The following PCDHGB1 variants were observed in gnomAD, a reference collection of about 807,000 sequenced individuals.
PCDHGB1 encodes the protein protocadherin gamma subfamily B, 1, also known as protocadherin gamma-B1.
Under a neutral mutation model 56.6 loss-of-function variants are expected in PCDHGB1, and 34 were observed. The ratio of observed to expected loss-of-function variants is 0.60; its 90% CI spans 0.46 to 0.80. PCDHGB1 has a LOEUF of 0.80. Among genes scored for constraint, PCDHGB1 ranks in the 30% least tolerant of loss-of-function variants. The pLI is 0.00. For missense variants in PCDHGB1, 1,278 were observed against 1,204.6 expected (o/e 1.06, Z -0.90); for synonymous variants, 561 against 505.9 (o/e 1.11, Z -1.46).
At position 141,350,118 on chromosome 5, in the gene PCDHGB1, T is replaced by A; in HGVS notation, c.-143T>A. 2 of 585,768 alleles carry A rather than the reference T, an allele frequency of 3.4e-6. No homozygotes were observed. The highest frequency in any genetic ancestry group is 5.3e-6 in the Non-Finnish European group (2 of 377,780). The allele number at this position is 585,768 out of a possible 1,614,324, so 36.3% of individuals were successfully genotyped here. Reference sequence around the variant, plus strand: ...CAGGGTGCCTTCCTGCTTTGTCCGGTGCACTGAGCACAGACGCTGCTCCTG... The same window carrying A: ...CAGGGTGCCTTCCTGCTTTGTCCGGAGCACTGAGCACAGACGCTGCTCCTG... On this transcript the variant is annotated 5_prime_UTR_variant, in exon 1 of 4. Coordinates refer to ENST00000523390, the MANE Select transcript of PCDHGB1 (RefSeq NM_018922.3).
chr5:141,371,081 G>A, intron 1 of PCDHGB1: 1 of 1,613,852 alleles, frequency 6.2e-7, no homozygotes, highest in Non-Finnish European at 8.5e-7. Context: ...CCCAGATCAG[G>A]GTAATTGTCG....
rs117623972 is a variant in PCDHGB1 at position 141,503,322 on chromosome 5, C to T, written c.2469-2071C>T. On this transcript the variant is annotated intron_variant, in intron 2 of 3. Transcript: ENST00000523390. Reference sequence around the variant, plus strand: ...GCTCAAGAAAGAATTGTTGGAGGGGCGCGGTGGCTCACGCCTGTAATTCCA... The same window carrying T: ...GCTCAAGAAAGAATTGTTGGAGGGGTGCGGTGGCTCACGCCTGTAATTCCA... Among the ~76,000 whole-genome samples, 216 of 152,126 alleles carry T rather than the reference C, an allele frequency of 1.4e-3. 8 individuals carry two copies. In the East Asian group the frequency reaches 0.038, roughly 27 times the overall value.
chr5:141,433,623 G>A (rs2097635547), intron 1 of PCDHGB1, among the ~76,000 whole-genome samples: 1 of 152,070 alleles, frequency 6.6e-6, no homozygotes, highest in African/African-American at 2.4e-5. Flanking sequence ...ATCACCTGAG[G>A]TTGGGAGTTT....
At position 141,487,339 on chromosome 5, in the gene PCDHGB1, A is replaced by T; in HGVS notation, c.2410-7468A>T. On this transcript the variant is annotated intron_variant, in intron 1 of 3. Coordinates refer to ENST00000523390, the MANE Select transcript of PCDHGB1 (RefSeq NM_018922.3). The surrounding 1 kb of genome is among the most constrained non-coding windows in gnomAD (Gnocchi z 5.0). ...AGTGTCTTCGTGGGGCAGCCTGTGG[A>T]GTCACATGCTTTCCTGCTGGCACCT... The T allele has an allele frequency of 1.9e-6, 3 of 1,614,096 alleles. No individual in the cohort carries two copies. Among genetic ancestry groups the T allele is most frequent in the Non-Finnish European group, 2.5e-6 (3 of 1,180,000 alleles).
At chr5:141,482,611 G>A (rs1016481108) in intron 1 of PCDHGB1, among the ~76,000 whole-genome samples, 3 of 150,398 alleles carry the variant, frequency 2.0e-5, no homozygotes, top group African/African-American at 7.4e-5. Context: ...ACACCTAAAT[G>A]AGCCTGGAGA....
intron 1 of PCDHGB1, chr5:141,393,004 T>C (rs781030004): frequency 1.2e-6 from 2 of 1,613,554 alleles, no homozygotes; most frequent in Middle Eastern, 1.7e-4. Flanking sequence ...AAGCACGGAG[T>C]CCGTATCGTC....
chr5:141,418,688 A>C, intron 1 of PCDHGB1: 2 of 1,614,032 alleles, frequency 1.2e-6, no homozygotes, highest in Non-Finnish European at 1.7e-6. Flanking sequence ...CAACTCAGAG[A>C]TCACTTATTC....
intron 1 of PCDHGB1, among the ~76,000 whole-genome samples, chr5:141,482,274 G>A (rs1219523359): frequency 6.6e-6 from 1 of 152,094 alleles, no homozygotes; most frequent in Non-Finnish European, 1.5e-5. Flanking sequence ...TTTAGCTTAG[G>A]TAAGTCTTTT....
At chr5:141,424,547 T>A (rs1484479408) in intron 1 of PCDHGB1, 2 of 152,238 alleles carry the variant, frequency 1.3e-5, no homozygotes, top group African/African-American at 4.8e-5. Flanking sequence ...AACTTGATTT[T>A]GATTCAGTGC....
intron 1 of PCDHGB1, among the ~76,000 whole-genome samples, chr5:141,447,542 T>G (rs980012061): frequency 1.3e-5 from 2 of 152,216 alleles, no homozygotes; most frequent in African/African-American, 4.8e-5. Context: ...TGGGTTTTAA[T>G]GTTATGAGTA....
chr5:141,383,466 T>G (rs1469908164), intron 1 of PCDHGB1: 1 of 1,613,798 alleles, frequency 6.2e-7, no homozygotes, highest in South Asian at 1.1e-5. Context: ...ACGATGAAAC[T>G]AAGTACCCGG....
At chr5:141,360,806 G>A (rs569018820) in intron 1 of PCDHGB1, 25 of 1,613,912 alleles carry the variant, frequency 1.5e-5, no homozygotes, top group East Asian at 2.2e-5. Flanking sequence ...CCTCAAAGTG[G>A]CACGACCCAA....
At chr5:141,446,401 T>C (rs1321106896) in intron 1 of PCDHGB1, among the ~76,000 whole-genome samples, 1 of 152,166 alleles carries the variant, frequency 6.6e-6, no homozygotes, top group African/African-American at 2.4e-5. Context: ...AGAAATCGAG[T>C]TGAGTTCCAG....
At position 141,352,484 on chromosome 5, in the gene PCDHGB1, G is replaced by A. The variant is rs769609031; in HGVS notation, c.2224G>A (p.Gly742Arg). 2.7e-5 allele frequency: 44 copies of A among 1,613,872 alleles called. No homozygotes were observed. The highest frequency in any genetic ancestry group is 1.8e-4 in the Admixed American group (11 of 60,004). Residue 742 changes from glycine (G) to arginine (R), a missense_variant, in exon 1 of 4, where the codon GGG (glycine) becomes AGG (arginine). By Grantham distance (125) the Gly-to-Arg change is moderately radical. Transcript: ENST00000523390. ...CGGGGTTCCTCCCAACCACAGCGAG[G>A]GGACTTTGCCCTATTCCTACAATCT... ...GPGVPPNHSE[G>R]TLPYSYNLCI...
chr5:141,360,994 C>A lies in PCDHGB1; in HGVS notation c.2409+8325C>A, dbSNP rs367799961. 3.1e-6 allele frequency: 5 copies of A among 1,613,358 alleles called. No individual in the cohort carries two copies. In the African/African-American group the frequency reaches 4.0e-5, roughly 13 times the overall value. On this transcript the variant is annotated intron_variant, in intron 1 of 3. Coordinates refer to ENST00000523390, the MANE Select transcript of PCDHGB1 (RefSeq NM_018922.3). ...CTACTCCTTTCATAATGTGGACGAA[C>A]AAGTGAAACACTTTTTCAACTTAAA... is the stretch of plus-strand genomic sequence containing the variant.
intron 1 of PCDHGB1, chr5:141,415,426 C>T: frequency 6.2e-7 from 1 of 1,614,194 alleles, no homozygotes; most frequent in Non-Finnish European, 8.5e-7. Flanking sequence ...GGACGGGGTT[C>T]GGGCTTTCCT....
At chr5:141,422,769 T>C (rs1274700138) in intron 1 of PCDHGB1, 1 of 1,613,852 alleles carries the variant, frequency 6.2e-7, no homozygotes, top group Admixed American at 1.7e-5. Context: ...ACACTGGTGT[T>C]CTCTATGCCC....
chr5:141,477,220 G>A lies in PCDHGB1; in HGVS notation c.2410-17587G>A. 24 of 1,614,190 alleles carry A rather than the reference G, an allele frequency of 1.5e-5. No individual in the cohort carries two copies. The highest frequency in any genetic ancestry group is 1.9e-5 in the Non-Finnish European group (23 of 1,180,040). ...CAGTACCCGAGGATGCCCCTCTGGG[G>A]ACTGTCATCGCTTTGCTCAGTGTGA... is the stretch of plus-strand genomic sequence containing the variant. On this transcript the variant is annotated intron_variant, in intron 1 of 3. Coordinates refer to ENST00000523390, the MANE Select transcript of PCDHGB1 (RefSeq NM_018922.3). The surrounding 1 kb of genome is among the most constrained non-coding windows in gnomAD (Gnocchi z 4.9).
At position 141,351,900 on chromosome 5, in the gene PCDHGB1, T is replaced by C; in HGVS notation, c.1640T>C (p.Leu547Ser). The C allele has an allele frequency of 5.6e-6, 9 of 1,613,414 alleles. No individual in the cohort carries two copies. The highest frequency in any genetic ancestry group is 1.7e-5 in the Admixed American group (1 of 60,010). Residue 547 changes from leucine (L) to serine (S), a missense_variant, in exon 1 of 4, where the codon TTG becomes TCG. Coordinates refer to ENST00000523390, the MANE Select transcript of PCDHGB1 (RefSeq NM_018922.3). ...AGCGCCAACGTGAGCCTGCGCGTGT[T>C]GGTGGGCGACCTCAATGACAATGCG... Reference protein sequence around the residue: ...ALSANVSLRVLVGDLNDNAPR... With the variant: ...ALSANVSLRVSVGDLNDNAPR...
Sources: allele counts gnomAD v4.1 joint callset (sites outside exome capture counted in the v4.1 genomes callset), GRCh38; gene constraint gnomAD v4.1.1; non-coding constraint Gnocchi (gnomAD v3.1); transcripts MANE v1.5; gene names NCBI Gene and HGNC (gene_info 2026-07-23, HGNC 2026-07-21).